APP: variants seen among roughly 807,000 people sequenced by gnomAD.
APP encodes the protein amyloid beta precursor protein.
APP carries 31 observed loss-of-function variants against 101.4 expected under a neutral mutation model. The observed-to-expected ratio is 0.31, with a 90% CI of 0.23 to 0.41. The LOEUF is 0.41. APP is among the 10% of genes least tolerant of loss of function. The pLI is 1.00. For missense variants in APP, 839 were observed against 1,003.7 expected (o/e 0.84, Z 2.22); for synonymous variants, 366 against 364.4 (o/e 1.00, Z -0.05).
chr21:25,998,338 C>G (rs1221767972), intron 7 of APP, among the ~76,000 whole-genome samples: 1 of 148,886 alleles, frequency 6.7e-6, no homozygotes. Flanking sequence ...TTGTTTGAAA[C>G]TGAAGAAGGG....
intron 2 of APP, among the ~76,000 whole-genome samples, chr21:26,100,906 G>A (rs1422871251): frequency 2.6e-5 from 4 of 152,088 alleles, no homozygotes. Flanking sequence ...GGAAATCTCT[G>A]CCTGCATTTG....
Position 26,170,709 on chromosome 21 carries a change from T to G in APP, c.-89A>C. On this transcript the variant is annotated 5_prime_UTR_variant, in exon 1 of 18. Transcript: ENST00000346798. ...TGCCCGCGCCGCCACCGCCGCCGTC[T>G]CCCGGGGCCCCCGCGCACGCTCCTC... 2.2e-6 allele frequency: 3 copies of G among 1,349,794 alleles called. No individual in the cohort carries two copies. Among genetic ancestry groups the G allele is most frequent in the Non-Finnish European group, 2.9e-6 (3 of 1,033,046 alleles). 83.6% of individuals were successfully genotyped at this position (1,349,794 alleles called of 1,614,324 possible). A position where few individuals can be genotyped will look rare whatever the true frequency, so the allele number is the denominator to read the frequency against.
chr21:25,881,854 A>C (rs753328584), intron 17 of APP, 83 bp from the exon 18 acceptor site: 105 of 1,336,752 alleles, frequency 7.9e-5, no homozygotes, highest in Non-Finnish European at 1.1e-4. Flanking sequence ...AAAGATAAGG[A>C]GTACAGTACT....
In APP at chr21:26,158,479, T is replaced by C. The variant is rs796525605; in HGVS notation, c.57+12085A>G. Among the ~76,000 whole-genome samples, 82 of 152,310 alleles carry C rather than the reference T, an allele frequency of 5.4e-4. 2 individuals are homozygous for C. The highest frequency in any genetic ancestry group is 1.9e-3 in the African/African-American group (79 of 41,568). On this transcript the variant is annotated intron_variant, in intron 1 of 17. Coordinates refer to ENST00000346798, the MANE Select transcript of APP (RefSeq NM_000484.4). ...TTCTGATAGCAATGCTCCCAGCTAA[T>C]AGAGCACATTTACATGCTCCCTTGC...
intron 13 of APP, among the ~76,000 whole-genome samples, chr21:25,914,865 T>C (rs2039277933): frequency 6.6e-6 from 1 of 152,202 alleles, no homozygotes; most frequent in Admixed American, 6.5e-5. Flanking sequence ...ATCCTGGGCT[T>C]CTCAGCCTCC....
intron 1 of APP, among the ~76,000 whole-genome samples, chr21:26,117,220 C>G (rs1448992859): frequency 6.6e-6 from 1 of 152,218 alleles, no homozygotes; most frequent in Admixed American, 6.5e-5. Flanking sequence ...CCATGGTTTC[C>G]TGACATAAAT....
intron 1 of APP, among the ~76,000 whole-genome samples, chr21:26,167,032 A>G (rs867406133): frequency 6.6e-6 from 1 of 152,116 alleles, no homozygotes; most frequent in Non-Finnish European, 1.5e-5. Context: ...CAATCCCCAG[A>G]CCTGGGATAT....
chr21:26,154,973 C>A (rs1240400642), intron 1 of APP, among the ~76,000 whole-genome samples: 1 of 152,194 alleles, frequency 6.6e-6, no homozygotes, highest in Admixed American at 6.5e-5. Context: ...AATATGTAAT[C>A]AGGTGCGGTG....
intron 17 of APP, 102 bp downstream of exon 17, chr21:25,891,620 G>A (rs1218283015): frequency 6.6e-6 from 8 of 1,221,140 alleles, no homozygotes; most frequent in African/African-American, 3.0e-5. Flanking sequence ...ACACTGATTC[G>A]TTTTTTAAAA....
At chr21:26,051,324 G>A in intron 4 of APP, 131 bp from the exon 5 acceptor site, 1 of 999,166 alleles carries the variant, frequency 1.0e-6, no homozygotes, top group Non-Finnish European at 1.5e-6. Context: ...AAGATTATTT[G>A]CTTTTTGAGT....
intron 2 of APP, among the ~76,000 whole-genome samples, chr21:26,099,455 C>T (rs1182721048): frequency 1.6e-4 from 25 of 152,060 alleles, no homozygotes; most frequent in Admixed American, 1.6e-3. Context: ...GTAATTACTC[C>T]AATTTATTTA....
chr21:25,975,081 C>T lies in APP; in HGVS notation c.1447G>A (p.Val483Ile). Residue 483 changes from valine to isoleucine, a missense_variant, in exon 11 of 18, where the codon GTT becomes ATT. By Grantham distance (29) the Val-to-Ile change is conservative. Transcript: ENST00000346798. Reference protein sequence around the residue: ...LENYITALQAVPPRPRHVFNM... With the variant: ...LENYITALQAIPPRPRHVFNM... ...GCAGCGAGACCTACCCGAGGAGGAA[C>T]AGCCTGCAGAGCGGTGATGTAGTTC... 6.2e-7 allele frequency: 1 copy of T among 1,614,118 alleles called. No individual in the cohort carries two copies. The highest frequency in any genetic ancestry group is 8.5e-7 in the Non-Finnish European group (1 of 1,180,028).
intron 6 of APP, among the ~76,000 whole-genome samples, chr21:26,001,947 G>T (rs2043315461): frequency 9.0e-6 from 1 of 111,548 alleles, no homozygotes. Flanking sequence ...ATAAATCAGG[G>T]TGCCAGTCCT....
chr21:26,072,148 G>C (rs1379022231), intron 3 of APP, among the ~76,000 whole-genome samples: 1 of 152,192 alleles, frequency 6.6e-6, no homozygotes, highest in Non-Finnish European at 1.5e-5. Flanking sequence ...GGTGTACCAA[G>C]TATGTACAAA....
intron 5 of APP, among the ~76,000 whole-genome samples, chr21:26,040,997 G>A (rs1350539681): frequency 6.6e-6 from 1 of 152,188 alleles, no homozygotes; most frequent in Non-Finnish European, 1.5e-5. Context: ...GGCAAAAAAG[G>A]AAGCTAGTTA....
At chr21:26,004,507 T>C (rs1230245270) in intron 6 of APP, among the ~76,000 whole-genome samples, 1 of 152,058 alleles carries the variant, frequency 6.6e-6, no homozygotes, top group Non-Finnish European at 1.5e-5. Flanking sequence ...TTAGCCAGGA[T>C]GGTCTCGATC....
intron 3 of APP, among the ~76,000 whole-genome samples, chr21:26,067,544 C>T (rs1477188311): frequency 2.0e-5 from 3 of 152,214 alleles, no homozygotes; most frequent in Non-Finnish European, 4.4e-5. Context: ...GACTGCAGTA[C>T]ACCATTTTAT....
chr21:25,972,535 A>G lies in APP; in HGVS notation c.1458+2535T>C, dbSNP rs560732456. On this transcript the variant is annotated intron_variant, in intron 11 of 17. Coordinates refer to ENST00000346798, the MANE Select transcript of APP (RefSeq NM_000484.4). ...AAGATTTCATCACCAACTTATGTGC[A>G]CTCAAACTTTTTTTTTTAAAGAGAC... 3.9e-5 allele frequency among the ~76,000 whole-genome samples: 6 copies of G among 152,160 alleles called. 1 individual carries two copies. The South Asian group carries it at 1.2e-3, about 32-fold the overall frequency.
intron 5 of APP, among the ~76,000 whole-genome samples, chr21:26,029,980 C>A (rs1394141211): frequency 6.6e-6 from 1 of 152,090 alleles, no homozygotes; most frequent in Non-Finnish European, 1.5e-5. Context: ...CTGAAACAAG[C>A]AAAGAGATCC....
Sources: gnomAD v4.1 joint callset for allele counts (sites outside exome capture counted in the v4.1 genomes callset) on GRCh38, gnomAD v4.1.1 for gene constraint, MANE v1.5 for transcripts, NCBI Gene and HGNC (gene_info 2026-07-23, HGNC 2026-07-21) for gene names.